The following TEP1 variants were observed in gnomAD, a reference collection of about 807,000 sequenced individuals.
The protein encoded by TEP1 is telomerase associated protein 1, also known as telomerase protein component 1.
Under a neutral mutation model 306.3 loss-of-function variants are expected in TEP1, and 241 were observed. That is an observed-to-expected ratio of 0.79 (90% CI 0.71 to 0.88). The LOEUF (loss-of-function observed/expected upper bound fraction) is 0.88, where lower values mean the gene tolerates loss of function less well. Among genes scored for constraint, TEP1 ranks in the 40% least tolerant of loss-of-function variants. The pLI, the probability that TEP1 is intolerant of heterozygous loss-of-function variation, is 0.00. For synonymous variants in TEP1, 1,289 were observed against 1,305.5 expected (o/e 0.99, Z 0.27); for missense variants, 3,051 against 3,276.1 (o/e 0.93, Z 1.68).
chr14:20,408,512 G>T, intron 1 of TEP1, 49 bp from the exon 2 acceptor site: 1 of 1,426,904 alleles, frequency 7.0e-7, no homozygotes, highest in African/African-American at 1.4e-5. Flanking sequence ...CACTGAGCGT[G>T]TATTTGCATG....
chr14:20,373,248 T>A, intron 47 of TEP1, 22 bp downstream of exon 47: 1 of 1,613,146 alleles, frequency 6.2e-7, no homozygotes, highest in Non-Finnish European at 8.5e-7. Context: ...ACACACCCTG[T>A]CTCTCTCCAA....
intron 1 of TEP1, among the ~76,000 whole-genome samples, chr14:20,413,177 C>T (rs75503338): frequency 0.011 from 1,706 of 152,254 alleles, 22 homozygotes; most frequent in Middle Eastern, 0.017. Flanking sequence ...TCCTTTCTCA[C>T]CTCCCCTTTC....
chr14:20,384,512 T>G lies in TEP1; in HGVS notation c.3222-4A>C, dbSNP rs1276455433. ...ACCCCCCCACTCACAGGGGTATCTG[T>G]GGGCAAATCAAGCACAACCAGGTCA... On this transcript the variant is annotated splice_region_variant and splice_polypyrimidine_tract_variant and intron_variant, in intron 22 of 54. Coordinates refer to ENST00000262715, the MANE Select transcript of TEP1 (RefSeq NM_007110.5). The G allele has an allele frequency of 6.2e-7, 1 of 1,613,998 alleles. No homozygotes were observed. Among genetic ancestry groups the G allele is most frequent in the Non-Finnish European group, 8.5e-7 (1 of 1,180,004 alleles).
At chr14:20,393,991 G>A (rs1337562948) in intron 12 of TEP1, among the ~76,000 whole-genome samples, 2 of 152,116 alleles carry the variant, frequency 1.3e-5, no homozygotes, top group African/African-American at 4.8e-5. Context: ...GGAGGCTGAG[G>A]CAGGAGAATC....
intron 1 of TEP1, among the ~76,000 whole-genome samples, chr14:20,408,998 C>T (rs1008295300): frequency 2.0e-5 from 3 of 152,032 alleles, no homozygotes; most frequent in Non-Finnish European, 4.4e-5. Flanking sequence ...GTTCATAGCT[C>T]CAGAGAAACA....
In TEP1 at chr14:20,369,487, A is replaced by G; in HGVS notation, c.7513T>C (p.Trp2505Arg). Reference sequence around the variant, plus strand: ...TCTGGAGTGTTTGCTTTTTTCTGCCACATGTTACCTGTGGTCCATTCTCCT... The same window carrying G: ...TCTGGAGTGTTTGCTTTTTTCTGCCGCATGTTACCTGTGGTCCATTCTCCT... ...PEGEWTTGNM[W>R]QKKANTPETQ... Residue 2505 changes from tryptophan (W) to arginine (R), a missense_variant, in exon 53 of 55, where the codon TGG becomes CGG. Trp to Arg is a moderately radical substitution (Grantham distance 101, BLOSUM62 -3). Transcript: ENST00000262715. 6.2e-7 allele frequency: 1 copy of G among 1,614,124 alleles called. No homozygotes were observed. Among genetic ancestry groups the G allele is most frequent in the Non-Finnish European group, 8.5e-7 (1 of 1,180,030 alleles).
intron 48 of TEP1, 43 bp downstream of exon 48, chr14:20,372,968 G>A (rs1884940838): frequency 6.2e-7 from 1 of 1,613,734 alleles, no homozygotes. Context: ...CACAGCCAGG[G>A]TAGAATTCAC....
rs1300360158 is a variant in TEP1, at chr14:20,381,983, C to T, written c.4354G>A (p.Val1452Met). The change falls in exon 30 of 55, where the codon GTG becomes ATG. Residue 1452 changes from valine to methionine, a missense_variant. Physicochemically the swap from Val to Met is conservative, Grantham distance 21 (BLOSUM62 1). Coordinates refer to ENST00000262715, the MANE Select transcript of TEP1 (RefSeq NM_007110.5). This position sits in a 1 kb window ranked among gnomAD's most constrained non-coding sequence, Gnocchi z 4.0. ...PKGTKSWEEA[V>M]AAGNSGDPYP... ...GGGTCTCCACTGTTACCAGCAGCCACTGCTTCTTCCCAGCTCTTAGTCCCC... is the reference window on the plus strand; with the variant it reads ...GGGTCTCCACTGTTACCAGCAGCCATTGCTTCTTCCCAGCTCTTAGTCCCC... 6.2e-7 allele frequency: 1 copy of T among 1,614,182 alleles called. No homozygotes were observed. Among genetic ancestry groups the T allele is most frequent in the Non-Finnish European group, 8.5e-7 (1 of 1,180,034 alleles).
At position 20,367,448 on chromosome 14, in the gene TEP1, A is replaced by G. The variant is rs537395690; in HGVS notation, c.*989T>C. 1 of 152,032 alleles carries G rather than the reference A, an allele frequency of 6.6e-6. No homozygotes were observed. Among genetic ancestry groups the G allele is most frequent in the African/African-American group, 2.4e-5 (1 of 41,470 alleles). 9.4% of individuals were successfully genotyped at this position (152,032 alleles called of 1,614,324 possible). ...TTGTGCCACCTCTCAATTAGTTTTA[A>G]TCTTTGTGAATTTCAATTTGAGAGA... is the stretch of plus-strand genomic sequence containing the variant. On this transcript the variant is annotated 3_prime_UTR_variant, in exon 55 of 55. Transcript: ENST00000262715.
intron 17 of TEP1, among the ~76,000 whole-genome samples, chr14:20,388,579 C>A (rs535710085): frequency 2.6e-4 from 40 of 152,344 alleles, no homozygotes; most frequent in African/African-American, 9.4e-4. Flanking sequence ...ATAATTTTCT[C>A]TGGATCAAGA....
rs1594342432 is a variant in TEP1 at position 20,384,076 on chromosome 14, C to A, written c.3496G>T (p.Val1166Leu). The A allele has an allele frequency of 6.2e-7, 1 of 1,613,334 alleles. No homozygotes were observed. The part of the protein sequence containing the change: ...LMLPHGRLSL[V>L]TGQSGQGKTA... ...TTGCCCTGTCCTGACTGCCCCGTCA[C>A]CAGGCTCAGCCTTCCGTGGGGCAGC... The change falls in exon 24 of 55, where the codon GTG (valine) becomes TTG (leucine). Residue 1166 changes from valine (V) to leucine (L), a missense_variant. Val to Leu is a conservative substitution (Grantham distance 32, BLOSUM62 1). This residue lies in a region of TEP1 where 1,507 missense variants were observed against 1,550.5 expected (regional missense o/e 0.97). Transcript: ENST00000262715.
At chr14:20,409,384 T>C (rs1879451716) in intron 1 of TEP1, among the ~76,000 whole-genome samples, 1 of 152,222 alleles carries the variant, frequency 6.6e-6, no homozygotes, top group Admixed American at 6.5e-5. Flanking sequence ...TGGAGTGGTC[T>C]CACCCACTAT....
At chr14:20,408,489 G>A in intron 1 of TEP1, 26 bp from the exon 2 acceptor site, 1 of 1,561,716 alleles carries the variant, frequency 6.4e-7, no homozygotes, top group South Asian at 1.2e-5. Context: ...GACAGGAGAT[G>A]AGCACCTGGC....
intron 1 of TEP1, among the ~76,000 whole-genome samples, chr14:20,409,486 T>A (rs1380032688): frequency 6.6e-6 from 1 of 152,184 alleles, no homozygotes; most frequent in Non-Finnish European, 1.5e-5. Context: ...CTTATCCATT[T>A]CCCCGTTGGA....
chr14:20,378,606 G>A, intron 37 of TEP1, 71 bp from the exon 38 acceptor site: 1 of 1,604,994 alleles, frequency 6.2e-7, no homozygotes, highest in Non-Finnish European at 8.5e-7. Flanking sequence ...AGACCTCCAG[G>A]AGCAACCTTG....
rs1236357873 is a variant in TEP1, at chr14:20,383,583, C to A, written c.3772G>T (p.Gly1258Cys). The change falls in exon 26 of 55, where the codon GGC becomes TGC. Residue 1258 changes from glycine (G) to cysteine (C), a missense_variant. Coordinates refer to ENST00000262715, the MANE Select transcript of TEP1 (RefSeq NM_007110.5). ...LPKSAESLHP[G>C]QTQVLIIDGA... The stretch of plus-strand genomic sequence containing the variant: ...TCGATGATCAGGACCTGGGTCTGGC[C>A]AGGATGCAGGGACTCAGCAGACTTG... 2 of 1,613,906 alleles carry A rather than the reference C, an allele frequency of 1.2e-6. No homozygotes were observed. Among genetic ancestry groups the A allele is most frequent in the Admixed American group, 1.7e-5 (1 of 59,992 alleles).
rs183498478 is a variant in TEP1 at position 20,395,445 on chromosome 14, C to T, written c.1928+5G>A. On this transcript the variant is annotated splice_donor_5th_base_variant and intron_variant, in intron 12 of 54. Coordinates refer to ENST00000262715, the MANE Select transcript of TEP1 (RefSeq NM_007110.5). Reference sequence around the variant, plus strand: ...ACCCTTGGCTCCCAGACAGTGCATACATACCTGGCCTTGTGTACTCTCAGC... The same window carrying T: ...ACCCTTGGCTCCCAGACAGTGCATATATACCTGGCCTTGTGTACTCTCAGC... 5 of 1,584,888 alleles carry T rather than the reference C, an allele frequency of 3.2e-6. No individual in the cohort carries two copies. In the East Asian group the frequency reaches 1.1e-4, roughly 36 times the overall value.
chr14:20,376,199 G>C lies in TEP1; in HGVS notation c.6154C>G (p.Pro2052Ala). 6.2e-7 allele frequency: 1 copy of C among 1,614,190 alleles called. No homozygotes were observed. Among genetic ancestry groups the C allele is most frequent in the Non-Finnish European group, 8.5e-7 (1 of 1,180,032 alleles). The change falls in exon 42 of 55, where the codon CCC becomes GCC. Residue 2052 changes from proline to alanine, a missense_variant. By Grantham distance (27) the Pro-to-Ala change is conservative (BLOSUM62 -1). This residue lies in a region of TEP1 where 1,540 missense variants were observed against 1,705.9 expected (regional missense o/e 0.90). Transcript: ENST00000262715. ...TGTCCCCGCAGCTCAGTGCCACAGG[G>C]AAAGTCTTCTGCCTTGTGTGGCCGC... Reference protein sequence around the residue: ...LTRPHKAEDFPCGTELRGHEG... With the variant: ...LTRPHKAEDFACGTELRGHEG...
chr14:20,391,764 CT>C lies in TEP1; in HGVS notation c.1931del (p.Gln644ArgfsTer9), dbSNP rs758913785. On this transcript the variant is annotated frameshift_variant and splice_region_variant, in exon 13 of 55. Coordinates refer to ENST00000262715, the MANE Select transcript of TEP1 (RefSeq NM_007110.5). LOFTEE classifies it high-confidence loss of function. ...TCAGCATCTCACCATCATATTTCCA[CT>C]GTCTACATGCAAGAAAGACACAGAC... ...REKLRVHKAR[Q>X]WKYDGEMLNR... 6.2e-7 allele frequency: 1 copy of C among 1,614,074 alleles called. No individual in the cohort carries two copies. Among genetic ancestry groups the C allele is most frequent in the South Asian group, 1.1e-5 (1 of 91,078 alleles).
Sources: gnomAD v4.1 joint callset for allele counts (sites outside exome capture counted in the v4.1 genomes callset) on GRCh38, gnomAD v4.1.1 for gene constraint, gnomAD v4.1.1 regional missense constraint, Gnocchi (gnomAD v3.1) non-coding constraint, MANE v1.5 for transcripts, NCBI Gene and HGNC (gene_info 2026-07-23, HGNC 2026-07-21) for gene names.